OSBPL8: variants seen among roughly 807,000 people sequenced by gnomAD.
OSBPL8 encodes the protein oxysterol binding protein like 8.
Under a neutral mutation model 125.5 loss-of-function variants are expected in OSBPL8, and 59 were observed. The observed-to-expected ratio is 0.47, with a 90% CI of 0.38 to 0.58. The LOEUF (loss-of-function observed/expected upper bound fraction) is 0.58. Among genes scored for constraint, OSBPL8 ranks in the 20% least tolerant of loss-of-function variants. OSBPL8 has a pLI of 0.00. For missense variants in OSBPL8, 758 were observed against 1,047.8 expected, an observed-to-expected ratio of 0.72 and a Z score of 3.82; for synonymous variants, 330 against 338.9, an observed-to-expected ratio of 0.97 and a Z score of 0.29.
intron 4 of OSBPL8, among the ~76,000 whole-genome samples, chr12:76,421,920 TAAA>T (rs908023719): frequency 4.6e-5 from 7 of 152,002 alleles, no homozygotes; most frequent in African/African-American, 1.7e-4. Flanking sequence ...ATTTTCATGA[TAAA>T]AATTAATCAC....
At chr12:76,387,760 G>A (rs1318115772) in intron 12 of OSBPL8, among the ~76,000 whole-genome samples, 1 of 152,114 alleles carries the variant, frequency 6.6e-6, no homozygotes, top group Non-Finnish European at 1.5e-5. Flanking sequence ...GAAAGCTTGT[G>A]CTTTTCTGGA....
intron 18 of OSBPL8, chr12:76,371,848 T>C (rs1952630659): frequency 4.0e-6 from 1 of 247,276 alleles, no homozygotes; most frequent in Non-Finnish European, 7.6e-6. Context: ...TTTTACTTAA[T>C]AAATTTCAAA....
chr12:76,417,523 GCCT>G (rs772707037), intron 4 of OSBPL8, among the ~76,000 whole-genome samples: 37 of 151,886 alleles, frequency 2.4e-4, no homozygotes, highest in Admixed American at 1.3e-4. Context: ...TATTCTGCAT[GCCT>G]CAACTTCTTT....
chr12:76,473,109 T>G (rs911044595), intron 2 of OSBPL8, among the ~76,000 whole-genome samples: 4 of 152,172 alleles, frequency 2.6e-5, no homozygotes, highest in African/African-American at 9.6e-5. Flanking sequence ...CTCACACTCT[T>G]GTCTTCTGGT....
At chr12:76,555,724 A>AT (rs1296464809) in intron 1 of OSBPL8, among the ~76,000 whole-genome samples, 3 of 152,216 alleles carry the variant, frequency 2.0e-5, no homozygotes, top group African/African-American at 7.2e-5. Flanking sequence ...CGACGCTTGT[A>AT]TAAGATTCAG....
intron 2 of OSBPL8, among the ~76,000 whole-genome samples, chr12:76,476,302 T>C (rs1001083914): frequency 6.6e-6 from 1 of 151,990 alleles, no homozygotes; most frequent in African/African-American, 2.4e-5. Flanking sequence ...ACAAAAATAA[T>C]ATTCTAAGGA....
At chr12:76,418,412 C>T (rs1481356732) in intron 4 of OSBPL8, among the ~76,000 whole-genome samples, 2 of 152,132 alleles carry the variant, frequency 1.3e-5, no homozygotes, top group African/African-American at 2.4e-5. Flanking sequence ...AGCCAAATTC[C>T]TTCCAAATGG....
intron 3 of OSBPL8, among the ~76,000 whole-genome samples, chr12:76,452,074 G>T (rs1403512301): frequency 1.3e-5 from 2 of 151,922 alleles, no homozygotes; most frequent in Non-Finnish European, 2.9e-5. Context: ...CAGAGATCAT[G>T]CCATTGCACT....
Position 76,535,360 on chromosome 12 carries a change from T to C in OSBPL8, c.-68+24037A>G, listed in dbSNP as rs545555911. On this transcript the variant is annotated intron_variant, in intron 1 of 23. Coordinates refer to ENST00000261183, the MANE Select transcript of OSBPL8 (RefSeq NM_020841.5). ...GCTAATAAATCCAAGAAAAGATGCT[T>C]ACTACCACAGTCATCAGCGAAACGC... Among the ~76,000 whole-genome samples, 5 of 152,230 alleles carry C rather than the reference T, an allele frequency of 3.3e-5. No homozygotes were observed. In the East Asian group the frequency reaches 9.6e-4, roughly 29 times the overall value.
At chr12:76,466,371 C>T (rs994762557) in intron 2 of OSBPL8, among the ~76,000 whole-genome samples, 2 of 152,122 alleles carry the variant, frequency 1.3e-5, no homozygotes, top group Non-Finnish European at 2.9e-5. Flanking sequence ...GTGGGAAGTA[C>T]ATTTTAAGAA....
intron 1 of OSBPL8, among the ~76,000 whole-genome samples, chr12:76,553,689 A>G (rs1951009938): frequency 6.6e-6 from 1 of 151,280 alleles, no homozygotes; most frequent in African/African-American, 2.4e-5. Flanking sequence ...AAGAAAAAAA[A>G]AAAAGGCCAG....
intron 4 of OSBPL8, among the ~76,000 whole-genome samples, chr12:76,427,797 T>C (rs1371756444): frequency 6.6e-6 from 1 of 152,088 alleles, no homozygotes. Flanking sequence ...CAGATTCTGG[T>C]CTATGGATAA....
At chr12:76,494,947 T>C (rs1879123728) in intron 1 of OSBPL8, among the ~76,000 whole-genome samples, 1 of 152,102 alleles carries the variant, frequency 6.6e-6, no homozygotes, top group Non-Finnish European at 1.5e-5. Flanking sequence ...AGGGAGTAGA[T>C]ACCAAAGGAT....
chr12:76,527,161 T>C (rs1291816005), intron 1 of OSBPL8, among the ~76,000 whole-genome samples: 1 of 151,200 alleles, frequency 6.6e-6, no homozygotes, highest in Non-Finnish European at 1.5e-5. Context: ...TGCAAAAGAA[T>C]GTAAGGTATA....
At chr12:76,498,429 C>G (rs1305000213) in intron 1 of OSBPL8, among the ~76,000 whole-genome samples, 1 of 152,204 alleles carries the variant, frequency 6.6e-6, no homozygotes, top group East Asian at 1.9e-4. Context: ...ATCCACTTTA[C>G]AAGGTGCAAG....
intron 21 of OSBPL8, among the ~76,000 whole-genome samples, chr12:76,363,407 G>A (rs779166052): frequency 1.3e-5 from 2 of 152,134 alleles, no homozygotes; most frequent in Admixed American, 6.6e-5. Context: ...CTAACAATGG[G>A]GAAAGGATTC....
chr12:76,366,863 C>G (rs897113247), intron 21 of OSBPL8, among the ~76,000 whole-genome samples: 1 of 152,122 alleles, frequency 6.6e-6, no homozygotes, highest in Non-Finnish European at 1.5e-5. Flanking sequence ...ATGGTGTGAT[C>G]TTGGCTCACT....
chr12:76,526,648 T>C (rs1409576647), intron 1 of OSBPL8, among the ~76,000 whole-genome samples: 8 of 69,700 alleles, frequency 1.1e-4, no homozygotes, highest in African/African-American at 4.6e-4. Context: ...TTTTTTTTTT[T>C]TTTTTTTTTT....
chr12:76,375,320 T>C lies in OSBPL8; in HGVS notation c.1780A>G (p.Thr594Ala), dbSNP rs760718687. ...TLELGGTVNITCQKTGYSAIL... is the reference protein window; with the variant it reads ...TLELGGTVNIACQKTGYSAIL... The stretch of plus-strand genomic sequence containing the variant: ...GCACTGTATCCAGTTTTTTGACATG[T>C]AATATTGACTGTTCCACCAAGCTCC... Residue 594 changes from threonine (T) to alanine (A), a missense_variant, in exon 17 of 24, where the codon ACA (threonine) becomes GCA (alanine). Physicochemically the swap from Thr to Ala is moderately conservative, Grantham distance 58. Transcript: ENST00000261183. 2.5e-5 allele frequency: 41 copies of C among 1,612,218 alleles called. No homozygotes were observed. The South Asian group carries it at 4.5e-4, about 18-fold the overall frequency.
Sources: allele counts gnomAD v4.1 joint callset (sites outside exome capture counted in the v4.1 genomes callset), GRCh38; gene constraint gnomAD v4.1.1; transcripts MANE v1.5; gene names NCBI Gene and HGNC (gene_info 2026-07-23, HGNC 2026-07-21).